SASH1: variants seen among roughly 807,000 people sequenced by gnomAD.
SASH1 encodes SAM and SH3 domain containing 1, also known as SAM and SH3 domain-containing protein 1.
SASH1 carries 44 observed loss-of-function variants against 125.2 expected under a neutral mutation model. That is an observed-to-expected ratio of 0.35 (90% CI 0.28 to 0.45). SASH1 has a LOEUF of 0.45. SASH1 is among the 20% of genes least tolerant of loss of function. The probability of loss-of-function intolerance (pLI) is 1.00; values close to 1 mark genes in which losing one functional copy is unlikely to be tolerated. For synonymous variants in SASH1, 639 were observed against 649.1 expected (o/e 0.98, Z 0.24); for missense variants, 1,426 against 1,614.5 (o/e 0.88, Z 2.00).
At chr6:148,512,716 T>C in intron 8 of SASH1, 1 of 985,418 alleles carries the variant, frequency 1.0e-6, no homozygotes, top group Non-Finnish European at 1.2e-6. Flanking sequence ...TCCCATTCTT[T>C]ATTACTAGGT....
chr6:148,281,524 C>T (rs766498598), intron 1 of SASH1, among the ~76,000 whole-genome samples: 47 of 152,300 alleles, frequency 3.1e-4, no homozygotes, highest in Admixed American at 2.0e-3. Context: ...ATGGGACCGA[C>T]TCATGAGCCT....
chr6:148,451,288 G>A (rs189754506), intron 4 of SASH1, among the ~76,000 whole-genome samples: 34 of 152,328 alleles, frequency 2.2e-4, no homozygotes, highest in East Asian at 1.7e-3. Flanking sequence ...GGGCTTACTC[G>A]TGACCCAACA....
chr6:148,508,199 G>GGA (rs572566862), intron 8 of SASH1, among the ~76,000 whole-genome samples: 110 of 152,140 alleles, frequency 7.2e-4, no homozygotes, highest in Middle Eastern at 3.4e-3. Context: ...AAAGGAATGG[G>GGA]GAGAGAGAGA....
At chr6:148,383,194 G>A (rs1034317997) in intron 1 of SASH1, among the ~76,000 whole-genome samples, 8 of 152,184 alleles carry the variant, frequency 5.3e-5, no homozygotes, top group Non-Finnish European at 1.0e-4. Context: ...TCACCTGAAA[G>A]GTTGCTAAAA....
intron 1 of SASH1, among the ~76,000 whole-genome samples, chr6:148,369,082 C>T (rs534698233): frequency 6.6e-6 from 1 of 152,254 alleles, no homozygotes; most frequent in East Asian, 1.9e-4. Flanking sequence ...CGTGCATTGG[C>T]CTGGCAGAGC....
In SASH1 at chr6:148,533,768, C is replaced by T; in HGVS notation, c.1735-3C>T. 6.2e-7 allele frequency: 1 copy of T among 1,611,198 alleles called. No homozygotes were observed. The highest frequency in any genetic ancestry group is 8.5e-7 in the Non-Finnish European group (1 of 1,178,642). On this transcript the variant is annotated splice_region_variant and splice_polypyrimidine_tract_variant and intron_variant, in intron 14 of 19. Transcript: ENST00000367467. The surrounding 1 kb of genome is among the most constrained non-coding windows in gnomAD (Gnocchi z 6.2). ...GGAAAGATCTTTGCTCCCTGGGCCA[C>T]AGAAAGGAGATATCATCGATATAAT...
the SASH1 span, among the ~76,000 whole-genome samples, chr6:148,228,463 G>T: frequency 6.6e-6 from 1 of 152,198 alleles, no homozygotes; most frequent in African/African-American, 2.4e-5. Context: ...TGTGTGGGAT[G>T]TCTCAAGAGT....
intron 4 of SASH1, among the ~76,000 whole-genome samples, chr6:148,466,241 G>A (rs755145752): frequency 3.9e-5 from 6 of 152,158 alleles, no homozygotes; most frequent in Admixed American, 1.3e-4. Context: ...CCTCTCTAGC[G>A]GTTTCTCCCC....
chr6:148,519,529 CTG>C lies in SASH1; in HGVS notation c.863-16_863-15del. 1.9e-6 allele frequency: 3 copies of C among 1,593,764 alleles called. No individual in the cohort carries two copies. The highest frequency in any genetic ancestry group is 2.7e-5 in the African/African-American group (2 of 74,538). ...TGCAAAGGTGTGTTCACAAGAGACTCTGTTGGTTTCCCTCCAGGTGGGGAGGA... is the reference window on the plus strand; with the variant it reads ...TGCAAAGGTGTGTTCACAAGAGACTCTTGGTTTCCCTCCAGGTGGGGAGGA... On this transcript the variant is annotated splice_polypyrimidine_tract_variant and intron_variant, in intron 9 of 19. Transcript: ENST00000367467. The surrounding 1 kb of genome is among the most constrained non-coding windows in gnomAD (Gnocchi z 4.8).
At chr6:148,456,337 C>T (rs1020968640) in intron 4 of SASH1, among the ~76,000 whole-genome samples, 8 of 152,286 alleles carry the variant, frequency 5.3e-5, no homozygotes, top group South Asian at 2.1e-4. Flanking sequence ...CCATACCGCC[C>T]GAGCGTGTGG....
Position 148,434,063 on chromosome 6 carries a change from ATTTTTTTTTTT to A in SASH1, c.286-6100_286-6090del, listed in dbSNP as rs758854072. Among the ~76,000 whole-genome samples, 3 of 69,358 alleles carry A rather than the reference ATTTTTTTTTTT, an allele frequency of 4.3e-5. 1 individual carries two copies. Among genetic ancestry groups the A allele is most frequent in the African/African-American group, 1.8e-4 (3 of 16,920 alleles). The allele number at this position is 69,358 out of a possible 152,430, so 45.5% of individuals were successfully genotyped here. A position where few individuals can be genotyped will look rare whatever the true frequency, so the allele number is the denominator to read the frequency against. On this transcript the variant is annotated intron_variant, in intron 2 of 19. Transcript: ENST00000367467. ...ATTTAAAAACATAGGGGAACTGGAG[ATTTTTTTTTTT>A]TTTTTTTTTTTTTTTTTTTTGAGAC...
At chr6:148,360,911 T>G (rs970041237) in intron 1 of SASH1, among the ~76,000 whole-genome samples, 1 of 152,174 alleles carries the variant, frequency 6.6e-6, no homozygotes, top group Non-Finnish European at 1.5e-5. Context: ...TGACTTTGTT[T>G]GGAAATGGCT....
chr6:148,382,695 A>G (rs1783191990), intron 1 of SASH1, among the ~76,000 whole-genome samples: 1 of 152,004 alleles, frequency 6.6e-6, no homozygotes, highest in South Asian at 2.1e-4. Context: ...GCCTTCTGGG[A>G]GGCCGTTTAT....
chr6:148,491,066 G>C (rs1335226037), intron 8 of SASH1, among the ~76,000 whole-genome samples: 2 of 152,084 alleles, frequency 1.3e-5, no homozygotes, highest in African/African-American at 4.8e-5. Flanking sequence ...CGTATTTATT[G>C]CTACCTATTA....
At chr6:148,449,217 GTGC>G in intron 4 of SASH1, among the ~76,000 whole-genome samples, 1 of 150,224 alleles carries the variant, frequency 6.7e-6, no homozygotes. Flanking sequence ...CTACAGGCAT[GTGC>G]CACCACGCCC....
intron 4 of SASH1, among the ~76,000 whole-genome samples, chr6:148,449,078 C>CTTTTTCTTTTTTTTTTTTCTT: frequency 0.02 from 1,805 of 88,556 alleles, 133 homozygotes; most frequent in African/African-American, 0.072. Flanking sequence ...CATTTCATTT[C>CTTTTTCTTTTTTTTTTTTCTT]TTTTTTTTTT....
At chr6:148,295,759 C>T (rs994840467) in intron 1 of SASH1, among the ~76,000 whole-genome samples, 3 of 152,208 alleles carry the variant, frequency 2.0e-5, no homozygotes, top group Non-Finnish European at 4.4e-5. Context: ...AGAATTGTTC[C>T]TGCCATGCCT....
In SASH1 at chr6:148,468,550, C is replaced by T; in HGVS notation, c.392C>T (p.Pro131Leu). The change falls in exon 5 of 20, where the codon CCT (proline) becomes CTT (leucine). Residue 131 changes from proline to leucine, a missense_variant. Coordinates refer to ENST00000367467, the MANE Select transcript of SASH1 (RefSeq NM_015278.5). ...GATTTGTTTTTCTTTTCTAGGAACC[C>T]TCTTCATAAATCAAACTCAGAAGAC... is the stretch of plus-strand genomic sequence containing the variant. ...VSTPEVERKN[P>L]LHKSNSEDSS... The T allele has an allele frequency of 6.2e-7, 1 of 1,609,114 alleles. No homozygotes were observed. Among genetic ancestry groups the T allele is most frequent in the South Asian group, 1.1e-5 (1 of 90,470 alleles).
At chr6:148,337,255 G>A (rs970725647) in intron 1 of SASH1, among the ~76,000 whole-genome samples, 3 of 132,706 alleles carry the variant, frequency 2.3e-5, no homozygotes, top group African/African-American at 5.9e-5. Flanking sequence ...ATGGAGTCTC[G>A]TTCTGTCACC....
Sources: gnomAD v4.1 joint callset for allele counts (sites outside exome capture counted in the v4.1 genomes callset) on GRCh38, gnomAD v4.1.1 for gene constraint, Gnocchi (gnomAD v3.1) non-coding constraint, MANE v1.5 for transcripts, NCBI Gene and HGNC (gene_info 2026-07-23, HGNC 2026-07-21) for gene names.